CCDC172: variants seen among roughly 807,000 people sequenced by gnomAD.
CCDC172 encodes the protein coiled-coil domain containing 172, also known as coiled-coil domain-containing protein 172.
A neutral mutation model predicts 38.0 loss-of-function variants in CCDC172; 30 were observed. The observed-to-expected ratio is 0.79, with a 90% CI of 0.59 to 1.07. CCDC172 has a LOEUF of 1.07. Ranked by LOEUF, CCDC172 falls within the 50% of genes least tolerant of loss-of-function variation. The pLI is 0.00. For synonymous variants in CCDC172, 78 were observed against 88.3 expected (o/e 0.88, Z 0.66); for missense variants, 297 against 290.1 (o/e 1.02, Z -0.17).
Position 116,325,000 on chromosome 10 carries a change from C to T in CCDC172, c.-12C>T, listed in dbSNP as rs1234873703. The T allele has an allele frequency of 5.0e-6, 8 of 1,612,466 alleles. No homozygotes were observed. Among genetic ancestry groups the T allele is most frequent in the Non-Finnish European group, 6.8e-6 (8 of 1,178,578 alleles). On this transcript the variant is annotated 5_prime_UTR_variant, in exon 2 of 9. Transcript: ENST00000333254. ...AAGGGCGAGAAAAGGATCGCAGGAG[C>T]CAGGCCCTGAGATGAGCTTGGAGTC...
Position 116,378,443 on chromosome 10 carries a change from T to G in CCDC172, c.674T>G (p.Leu225Arg), listed in dbSNP as rs1415844306. Residue 225 changes from leucine to arginine, a missense_variant, in exon 8 of 9, where the codon CTT (leucine) becomes CGT (arginine). Physicochemically the swap from Leu to Arg is moderately radical, Grantham distance 102. Transcript: ENST00000333254. Reference protein sequence around the residue: ...ECLRLKKELELYKEDDMESVY... With the variant: ...ECLRLKKELERYKEDDMESVY... ...AATAGACTTAAAAAAGAATTAGAAC[T>G]TTATAAGGAAGATGACATGGAAAGT... The G allele has an allele frequency of 7.5e-6, 12 of 1,597,892 alleles. No individual in the cohort carries two copies. Among genetic ancestry groups the G allele is most frequent in the Middle Eastern group, 3.3e-4 (2 of 6,020 alleles).
intron 5 of CCDC172, among the ~76,000 whole-genome samples, chr10:116,351,306 T>C (rs1252194246): frequency 6.6e-6 from 1 of 152,180 alleles, no homozygotes; most frequent in Non-Finnish European, 1.5e-5. Flanking sequence ...AACTTTTGTT[T>C]ATTAAGGGAG....
intron 5 of CCDC172, among the ~76,000 whole-genome samples, chr10:116,352,214 C>T (rs1450275039): frequency 2.6e-5 from 4 of 152,194 alleles, no homozygotes; most frequent in African/African-American, 9.6e-5. Context: ...TTCTTATAAA[C>T]AAGATTTGCA....
At chr10:116,331,761 T>C (rs564866899) in intron 3 of CCDC172, among the ~76,000 whole-genome samples, 1 of 152,320 alleles carries the variant, frequency 6.6e-6, no homozygotes, top group African/African-American at 2.4e-5. Flanking sequence ...CTGTTCGACA[T>C]ATTCCTTTGA....
intron 3 of CCDC172, among the ~76,000 whole-genome samples, chr10:116,339,051 T>C (rs531291676): frequency 1.3e-5 from 2 of 152,152 alleles, no homozygotes; most frequent in South Asian, 2.1e-4. Flanking sequence ...GTTAGGTATA[T>C]ACTGCAAACA....
At position 116,379,995 on chromosome 10, in the gene CCDC172, C is replaced by T. The variant is rs746860649; in HGVS notation, c.*637C>T. Reference sequence around the variant, plus strand: ...ATGCTTCCTGTACAGCCTGCAGAACCGTGGGACAATTAAACTTGTGTTCTT... The same window carrying T: ...ATGCTTCCTGTACAGCCTGCAGAACTGTGGGACAATTAAACTTGTGTTCTT... On this transcript the variant is annotated 3_prime_UTR_variant, in exon 9 of 9. Transcript: ENST00000333254. 6.6e-6 allele frequency: 1 copy of T among 152,156 alleles called. No individual in the cohort carries two copies. The highest frequency in any genetic ancestry group is 1.5e-5 in the Non-Finnish European group (1 of 68,084). 9.4% of individuals were successfully genotyped at this position (152,156 alleles called of 1,614,324 possible). A position where few individuals can be genotyped will look rare whatever the true frequency, so the allele number is the denominator to read the frequency against.
chr10:116,348,166 G>T (rs893655453), intron 5 of CCDC172, among the ~76,000 whole-genome samples: 1 of 151,564 alleles, frequency 6.6e-6, no homozygotes, highest in African/African-American at 2.4e-5. Context: ...CCTATGAAAC[G>T]GTTTGTGGCA....
At chr10:116,334,077 T>C (rs2577385) in intron 3 of CCDC172, among the ~76,000 whole-genome samples, 235 of 152,332 alleles carry the variant, frequency 1.5e-3, no homozygotes, top group African/African-American at 5.6e-3. Flanking sequence ...TAATTTCTTC[T>C]GGTTAAAAAT....
rs962314921 is a variant in CCDC172 at position 116,356,465 on chromosome 10, A to G, written c.449-915A>G. Among the ~76,000 whole-genome samples the G allele has an allele frequency of 2.0e-5, 3 of 152,210 alleles. No individual in the cohort carries two copies. In the East Asian group the frequency reaches 5.8e-4, roughly 29 times the overall value. ...AGATTAAGAGCAGATCAGAGGCCGC[A>G]GAAGAAGAGACCAGTGAATTTAGAG... On this transcript the variant is annotated intron_variant, in intron 5 of 8. Transcript: ENST00000333254.
At chr10:116,337,360 C>T (rs970792898) in intron 3 of CCDC172, among the ~76,000 whole-genome samples, 1 of 152,046 alleles carries the variant, frequency 6.6e-6, no homozygotes, top group Non-Finnish European at 1.5e-5. Flanking sequence ...CCATGTTGGC[C>T]AGGCTGGTCT....
chr10:116,348,256 G>A (rs959618522), intron 5 of CCDC172, among the ~76,000 whole-genome samples: 17 of 152,022 alleles, frequency 1.1e-4, no homozygotes, highest in African/African-American at 4.1e-4. Flanking sequence ...ACTTCCCAGA[G>A]CAGTTTAGCT....
At chr10:116,362,792 A>T (rs1478472573) in intron 7 of CCDC172, among the ~76,000 whole-genome samples, 2 of 152,106 alleles carry the variant, frequency 1.3e-5, no homozygotes, top group Admixed American at 6.5e-5. Context: ...TTTGCTGAAT[A>T]TTTCTGTTGA....
chr10:116,342,644 T>C (rs1279895575), intron 5 of CCDC172, among the ~76,000 whole-genome samples: 1 of 152,134 alleles, frequency 6.6e-6, no homozygotes, highest in African/African-American at 2.4e-5. Flanking sequence ...TAGTGAAGGT[T>C]TGGGTCTGTG....
intron 7 of CCDC172, among the ~76,000 whole-genome samples, chr10:116,373,220 C>A (rs1403759374): frequency 6.6e-6 from 1 of 151,458 alleles, no homozygotes; most frequent in Non-Finnish European, 1.5e-5. Context: ...CTACCCTGGA[C>A]AACATAGAGA....
chr10:116,331,403 A>T (rs1191684956), intron 3 of CCDC172, among the ~76,000 whole-genome samples: 1 of 152,046 alleles, frequency 6.6e-6, no homozygotes, highest in African/African-American at 2.4e-5. Flanking sequence ...ATGCTGTGTG[A>T]TATGTACCAC....
intron 3 of CCDC172, among the ~76,000 whole-genome samples, chr10:116,328,037 G>A (rs1041154646): frequency 1.3e-5 from 2 of 152,058 alleles, no homozygotes; most frequent in Non-Finnish European, 2.9e-5. Flanking sequence ...TTGAGCTATT[G>A]TACAGTCATA....
At chr10:116,354,354 TA>T (rs1186537626) in intron 5 of CCDC172, among the ~76,000 whole-genome samples, 1 of 150,872 alleles carries the variant, frequency 6.6e-6, no homozygotes, top group Non-Finnish European at 1.5e-5. Flanking sequence ...AAGTTAACTG[TA>T]AAAAAAGTTA....
At chr10:116,329,481 G>A (rs1844630959) in intron 3 of CCDC172, among the ~76,000 whole-genome samples, 1 of 152,080 alleles carries the variant, frequency 6.6e-6, no homozygotes, top group African/African-American at 2.4e-5. Flanking sequence ...GTAGAATCAT[G>A]TGGGACTTTT....
intron 3 of CCDC172, among the ~76,000 whole-genome samples, chr10:116,331,019 C>T (rs754738363): frequency 7.2e-5 from 11 of 152,088 alleles, no homozygotes; most frequent in Admixed American, 3.9e-4. Context: ...AAATTACAGG[C>T]GTGAACCACC....
Sources: gnomAD v4.1 joint callset for allele counts (sites outside exome capture counted in the v4.1 genomes callset) on GRCh38, gnomAD v4.1.1 for gene constraint, MANE v1.5 for transcripts, NCBI Gene and HGNC (gene_info 2026-07-23, HGNC 2026-07-21) for gene names.